Variants in TAFA2 observed in about 807,000 individuals in gnomAD.
TAFA2 encodes the protein TAFA chemokine like family member 2, also known as chemokine-like protein TAFA-2.
In TAFA2, 7 loss-of-function variants were observed where a neutral mutation model predicts 18.8. The observed-to-expected ratio is 0.37, with a 90% confidence interval of 0.21 to 0.70. TAFA2 has a LOEUF of 0.70. Ranked by LOEUF, TAFA2 falls within the 30% of genes least tolerant of loss-of-function variation. The pLI, the probability that TAFA2 is intolerant of heterozygous loss-of-function variation, is 0.53. For missense variants in TAFA2, 122 were observed against 158.1 expected (o/e 0.77, Z 1.23); for synonymous variants, 60 against 54.2 (o/e 1.11, Z -0.47).
chr12:61,917,155 A>G (rs1164563884), intron 1 of TAFA2, among the ~76,000 whole-genome samples: 2 of 152,238 alleles, frequency 1.3e-5, no homozygotes, highest in Non-Finnish European at 2.9e-5. Context: ...GCCTGGCAGG[A>G]CTGCCTTGAC....
At chr12:61,748,006 T>C (rs892588032) in intron 4 of TAFA2, among the ~76,000 whole-genome samples, 1 of 152,098 alleles carries the variant, frequency 6.6e-6, no homozygotes, top group Non-Finnish European at 1.5e-5. Flanking sequence ...GCAGCGGCTA[T>C]CAGTTCTATG....
At chr12:61,982,418 C>A (rs961219433) in intron 1 of TAFA2, among the ~76,000 whole-genome samples, 1 of 151,922 alleles carries the variant, frequency 6.6e-6, no homozygotes, top group Non-Finnish European at 1.5e-5. Flanking sequence ...TGCACATGTA[C>A]CCTAGAACTT....
At chr12:62,015,049 C>T (rs757002830) in intron 1 of TAFA2, among the ~76,000 whole-genome samples, 1 of 152,176 alleles carries the variant, frequency 6.6e-6, no homozygotes, top group Non-Finnish European at 1.5e-5. Flanking sequence ...ACAAATGAGC[C>T]TTCTTCTCCC....
intron 1 of TAFA2, among the ~76,000 whole-genome samples, chr12:61,874,830 T>G (rs908563560): frequency 6.6e-5 from 10 of 152,232 alleles, no homozygotes; most frequent in South Asian, 6.2e-4. Flanking sequence ...TACATCACCA[T>G]GCATCTATTA....
At chr12:62,140,766 G>T (rs1048300679) in intron 1 of TAFA2, among the ~76,000 whole-genome samples, 2 of 152,180 alleles carry the variant, frequency 1.3e-5, no homozygotes, top group Non-Finnish European at 2.9e-5. Context: ...CCCCAGGGCT[G>T]CCAGGACCAT....
chr12:62,171,500 C>G (rs1439383807), intron 1 of TAFA2, among the ~76,000 whole-genome samples: 1 of 152,142 alleles, frequency 6.6e-6, no homozygotes, highest in African/African-American at 2.4e-5. Context: ...TCCTGGCCCT[C>G]AAAATCATGT....
intron 2 of TAFA2, among the ~76,000 whole-genome samples, chr12:61,770,883 T>G (rs1565628378): frequency 6.6e-6 from 1 of 151,696 alleles, no homozygotes; most frequent in Non-Finnish European, 1.5e-5. Context: ...AATAGAAGAG[T>G]ACCTCACTTT....
intron 1 of TAFA2, among the ~76,000 whole-genome samples, chr12:61,911,168 T>G (rs1192092149): frequency 6.6e-6 from 1 of 152,142 alleles, no homozygotes; most frequent in African/African-American, 2.4e-5. Flanking sequence ...GGGTTTAGAT[T>G]CTACATTTTA....
chr12:62,220,116 C>A (rs2062754366), intron 1 of TAFA2, among the ~76,000 whole-genome samples: 1 of 151,214 alleles, frequency 6.6e-6, no homozygotes, highest in Non-Finnish European at 1.5e-5. Context: ...AACAAGCCAC[C>A]AAATAAAAAA....
At chr12:61,853,663 C>T (rs1400056733) in intron 2 of TAFA2, among the ~76,000 whole-genome samples, 1 of 152,188 alleles carries the variant, frequency 6.6e-6, no homozygotes, top group African/African-American at 2.4e-5. Flanking sequence ...AATTACATCT[C>T]TAGTTACTAT....
chr12:61,826,520 A>G (rs908797514), intron 2 of TAFA2, among the ~76,000 whole-genome samples: 4 of 152,086 alleles, frequency 2.6e-5, no homozygotes, highest in African/African-American at 9.7e-5. Context: ...TTATCAGCTT[A>G]GAATCTATGT....
chr12:62,161,184 T>C (rs1291817449), intron 1 of TAFA2, among the ~76,000 whole-genome samples: 5 of 152,118 alleles, frequency 3.3e-5, no homozygotes, highest in Non-Finnish European at 5.9e-5. Flanking sequence ...ATGCCATCAC[T>C]CACTGATTCA....
chr12:62,225,538 G>GA (rs939963227), intron 1 of TAFA2, among the ~76,000 whole-genome samples: 2 of 151,536 alleles, frequency 1.3e-5, no homozygotes, highest in Non-Finnish European at 2.9e-5. Flanking sequence ...TTAAATACAT[G>GA]AAAAAAACCC....
At chr12:62,023,402 T>C (rs549253909) in intron 1 of TAFA2, among the ~76,000 whole-genome samples, 2 of 152,226 alleles carry the variant, frequency 1.3e-5, no homozygotes, top group East Asian at 3.9e-4. Flanking sequence ...AGTTCAGATC[T>C]AAATTTAATA....
At chr12:62,044,863 T>A (rs922139515) in intron 1 of TAFA2, among the ~76,000 whole-genome samples, 1 of 152,138 alleles carries the variant, frequency 6.6e-6, no homozygotes, top group Non-Finnish European at 1.5e-5. Context: ...TTCTAAACCA[T>A]GTGAGAACAG....
At chr12:61,904,278 G>A (rs540328366) in intron 1 of TAFA2, among the ~76,000 whole-genome samples, 15 of 151,964 alleles carry the variant, frequency 9.9e-5, no homozygotes, top group Admixed American at 2.6e-4. Context: ...CTGGACACTT[G>A]GATCAAAAAA....
At chr12:62,137,415 A>G (rs1404587741) in intron 1 of TAFA2, among the ~76,000 whole-genome samples, 3 of 152,114 alleles carry the variant, frequency 2.0e-5, no homozygotes, top group Admixed American at 6.6e-5. Context: ...AATGGAAACA[A>G]TGGTTCCAAG....
chr12:61,969,368 C>T (rs920760288), intron 1 of TAFA2, among the ~76,000 whole-genome samples: 255 of 151,806 alleles, frequency 1.7e-3, no homozygotes, highest in African/African-American at 5.7e-3. Flanking sequence ...CAGTTGAACA[C>T]AGGCTAAGTC....
intron 1 of TAFA2, among the ~76,000 whole-genome samples, chr12:61,936,064 C>G (rs193165709): frequency 2.0e-5 from 3 of 152,152 alleles, no homozygotes; most frequent in Admixed American, 2.0e-4. Flanking sequence ...AAGAAAATCA[C>G]AGTCCAATAT....
Sources: gnomAD v4.1 joint callset for allele counts (sites outside exome capture counted in the v4.1 genomes callset) on GRCh38, gnomAD v4.1.1 for gene constraint, MANE v1.5 for transcripts, NCBI Gene and HGNC (gene_info 2026-07-23, HGNC 2026-07-21) for gene names.